The following SASH1 variants were observed in gnomAD, a reference collection of about 807,000 sequenced individuals.
SASH1 encodes SAM and SH3 domain-containing protein 1.
A neutral mutation model predicts 125.2 loss-of-function variants in SASH1; 44 were observed. The ratio of observed to expected loss-of-function variants is 0.35; its 90% CI spans 0.28 to 0.45. SASH1 has a LOEUF of 0.45. Among genes scored for constraint, SASH1 ranks in the 20% least tolerant of loss-of-function variants. The pLI, the probability that SASH1 is intolerant of heterozygous loss-of-function variation, is 1.00. For missense variants in SASH1, 1,426 were observed against 1,614.5 expected, an observed-to-expected ratio of 0.88 and a Z score of 2.00; for synonymous variants, 639 against 649.1, an observed-to-expected ratio of 0.98 and a Z score of 0.24.
intron 2 of SASH1, among the ~76,000 whole-genome samples, chr6:148,391,070 G>A (rs1449547776): frequency 1.3e-5 from 2 of 151,520 alleles, no homozygotes; most frequent in South Asian, 2.1e-4. Context: ...GTTTTTGTGG[G>A]CATTTAAAAA....
chr6:148,452,630 T>C (rs1777154253), intron 4 of SASH1, among the ~76,000 whole-genome samples: 1 of 152,204 alleles, frequency 6.6e-6, no homozygotes, highest in Admixed American at 6.5e-5. Flanking sequence ...AACAGCTCTT[T>C]TCAAGGGTGG....
intron 2 of SASH1, among the ~76,000 whole-genome samples, chr6:148,419,611 T>C (rs1300379027): frequency 1.3e-5 from 2 of 152,210 alleles, no homozygotes; most frequent in Non-Finnish European, 1.5e-5. Flanking sequence ...ACATCAATCA[T>C]TGTGTTCAGA....
chr6:148,362,354 C>T (rs1782268202), intron 1 of SASH1, among the ~76,000 whole-genome samples: 2 of 151,910 alleles, frequency 1.3e-5, no homozygotes, highest in African/African-American at 4.8e-5. Context: ...TCCCGAGTAG[C>T]TGGGATTACA....
chr6:148,334,031 C>G (rs1225460159), intron 1 of SASH1, among the ~76,000 whole-genome samples: 1 of 151,082 alleles, frequency 6.6e-6, no homozygotes. Flanking sequence ...ACCGTGTTAG[C>G]CAGGATGGTC....
the SASH1 span, among the ~76,000 whole-genome samples, chr6:148,211,573 A>C: frequency 6.9e-6 from 1 of 145,984 alleles, no homozygotes; most frequent in African/African-American, 2.8e-5. Context: ...GCCATCTCAA[A>C]GGGAAAAAAA....
intron 8 of SASH1, among the ~76,000 whole-genome samples, chr6:148,498,945 C>T (rs1461689304): frequency 1.3e-5 from 2 of 152,076 alleles, no homozygotes; most frequent in Non-Finnish European, 2.9e-5. Flanking sequence ...ATTTAGACTG[C>T]GGGCCATCTC....
intron 1 of SASH1, among the ~76,000 whole-genome samples, chr6:148,362,063 A>T (rs552960220): frequency 6.8e-6 from 1 of 147,952 alleles, no homozygotes; most frequent in African/African-American, 2.5e-5. Context: ...ACAGACGCCC[A>T]CAACCACGCC....
At position 148,546,134 on chromosome 6, in the gene SASH1, G is replaced by C; in HGVS notation, c.3468G>C (p.Gln1156His). 1 of 1,614,062 alleles carries C rather than the reference G, an allele frequency of 6.2e-7. No homozygotes were observed. The highest frequency in any genetic ancestry group is 8.5e-7 in the Non-Finnish European group (1 of 1,179,976). The change falls in exon 19 of 20, where the codon CAG (glutamine) becomes CAC (histidine). Residue 1156 changes from glutamine to histidine, a missense_variant. Gln to His is a conservative substitution (Grantham distance 24). Coordinates refer to ENST00000367467, the MANE Select transcript of SASH1 (RefSeq NM_015278.5). ...TCCGGGTGAAGCAGCTTCGGAAGCA[G>C]CACCGCATGGCGGTGAGCAGCCCAC... ...DQIRVKQLRK[Q>H]HRMAIPSGGL... is the part of the protein sequence containing the mutation.
chr6:148,447,800 C>T (rs137918056), intron 4 of SASH1, among the ~76,000 whole-genome samples: 1 of 152,068 alleles, frequency 6.6e-6, no homozygotes, highest in South Asian at 2.1e-4. Flanking sequence ...ACCTGGCCAC[C>T]TTAGCCCTTG....
At chr6:148,460,310 A>T (rs1007802099) in intron 4 of SASH1, among the ~76,000 whole-genome samples, 1 of 152,222 alleles carries the variant, frequency 6.6e-6, no homozygotes, top group African/African-American at 2.4e-5. Context: ...TAAATCAAAG[A>T]TATACAAAGA....
the SASH1 span, among the ~76,000 whole-genome samples, chr6:148,204,289 A>G: frequency 2.6e-5 from 4 of 152,354 alleles, no homozygotes; most frequent in East Asian, 7.7e-4. Context: ...AGAAACCACC[A>G]CAATCGACAG....
Position 148,419,802 on chromosome 6 carries a change from A to G in SASH1, c.286-20382A>G, listed in dbSNP as rs915846627. Among the ~76,000 whole-genome samples the G allele has an allele frequency of 3.9e-5, 6 of 152,344 alleles. No homozygotes were observed. The East Asian group carries it at 5.8e-4, about 15-fold the overall frequency. ...TTGTGTACATGGAGATTTTCTATGT[A>G]GTAATATGCATAACCTTATATGAAA... On this transcript the variant is annotated intron_variant, in intron 2 of 19. Transcript: ENST00000367467.
chr6:148,335,871 T>G (rs1223538778), intron 1 of SASH1, among the ~76,000 whole-genome samples: 1 of 152,138 alleles, frequency 6.6e-6, no homozygotes, highest in Non-Finnish European at 1.5e-5. Context: ...CTCCTCTTCA[T>G]GATCACAGAG....
the SASH1 span, among the ~76,000 whole-genome samples, chr6:148,265,873 T>C: frequency 6.6e-6 from 1 of 152,220 alleles, no homozygotes; most frequent in African/African-American, 2.4e-5. Flanking sequence ...TGCTTTTGCG[T>C]GACTGGCTCC....
At chr6:148,399,674 AC>A (rs1291168479) in intron 2 of SASH1, among the ~76,000 whole-genome samples, 42 of 152,352 alleles carry the variant, frequency 2.8e-4, no homozygotes, top group African/African-American at 9.6e-4. Context: ...CCATTTGCAT[AC>A]AACAGACAGC....
At chr6:148,228,342 C>G in the SASH1 span, among the ~76,000 whole-genome samples, 1 of 152,192 alleles carries the variant, frequency 6.6e-6, no homozygotes, top group African/African-American at 2.4e-5. Context: ...CACCCTCACC[C>G]TTAAATTCTA....
upstream of SASH1, among the ~76,000 whole-genome samples, chr6:148,270,313 C>G (rs1382386922): frequency 1.3e-5 from 2 of 152,206 alleles, no homozygotes; most frequent in Non-Finnish European, 1.5e-5. Flanking sequence ...ACCTTACCTG[C>G]CAGCTATCAA....
intron 10 of SASH1, 169 bp from the exon 11 acceptor site, chr6:148,525,122 T>C: frequency 1.7e-6 from 1 of 605,754 alleles, no homozygotes; most frequent in Non-Finnish European, 3.0e-6. Context: ...GAAGTTTCCT[T>C]ACGACATGAC....
At chr6:148,528,806 T>C (rs1781345063) in intron 12 of SASH1, among the ~76,000 whole-genome samples, 1 of 152,186 alleles carries the variant, frequency 6.6e-6, no homozygotes, top group Admixed American at 6.5e-5. Flanking sequence ...ATGCATTACA[T>C]TTATTGTTCA....
Sources: gnomAD v4.1 joint callset for allele counts (sites outside exome capture counted in the v4.1 genomes callset) on GRCh38, gnomAD v4.1.1 for gene constraint, MANE v1.5 for transcripts, NCBI Gene and HGNC (gene_info 2026-07-23, HGNC 2026-07-21) for gene names.